Variants in RBFOX1 observed in about 807,000 individuals in gnomAD.
The protein encoded by RBFOX1 is RNA binding protein fox-1 homolog 1.
Under a neutral mutation model 57.7 loss-of-function variants are expected in RBFOX1, and 8 were observed. The observed-to-expected ratio is 0.14, with a 90% confidence interval of 0.08 to 0.25. The LOEUF (loss-of-function observed/expected upper bound fraction) is 0.25. RBFOX1 is among the 10% of genes least tolerant of loss of function. The probability of loss-of-function intolerance (pLI) is 1.00; values close to 1 mark genes in which losing one functional copy is unlikely to be tolerated. For missense variants in RBFOX1, 611 were observed against 548.5 expected, an observed-to-expected ratio of 1.11 and a Z score of -1.14; for synonymous variants, 326 against 222.4, an observed-to-expected ratio of 1.47 and a Z score of -4.15.
chr16:7,426,076 C>G (rs998345757), intron 4 of RBFOX1, among the ~76,000 whole-genome samples: 2 of 152,208 alleles, frequency 1.3e-5, no homozygotes, highest in South Asian at 2.1e-4. Context: ...AAAGGCTTAT[C>G]TCGTTTAAGG....
At position 6,637,111 on chromosome 16, in the gene RBFOX1, T is replaced by TATTA. The variant is rs1346063536; in HGVS notation, c.-63-17491_-63-17490insTTAA. ...ATACATATTAAATATATATATTATA[T>TATTA]AATATATAAATTTATATTATATATT... On this transcript the variant is annotated intron_variant, in intron 2 of 15. Coordinates refer to ENST00000550418, the MANE Select transcript of RBFOX1 (RefSeq NM_018723.4). 5.2e-3 allele frequency among the ~76,000 whole-genome samples: 482 copies of TATTA among 93,030 alleles called. 65 individuals are homozygous for TATTA. Among genetic ancestry groups the TATTA allele is most frequent in the African/African-American group, 0.01 (228 of 22,526 alleles). 61.0% of individuals were successfully genotyped at this position (93,030 alleles called of 152,430 possible).
intron 3 of RBFOX1, among the ~76,000 whole-genome samples, chr16:6,940,642 G>A (rs981285453): frequency 1.3e-5 from 2 of 152,094 alleles, no homozygotes; most frequent in Non-Finnish European, 2.9e-5. Context: ...CTGTCACCCA[G>A]GCTGGAGTGG....
intron 1 of RBFOX1, among the ~76,000 whole-genome samples, chr16:6,311,723 G>C (rs910720025): frequency 2.6e-5 from 4 of 152,210 alleles, no homozygotes; most frequent in Admixed American, 1.3e-4. Flanking sequence ...TGCAGTAGTG[G>C]TTACTGCTAA....
chr16:6,920,363 A>G (rs377365244), intron 3 of RBFOX1, among the ~76,000 whole-genome samples: 29 of 152,242 alleles, frequency 1.9e-4, no homozygotes, highest in Admixed American at 6.5e-4. Flanking sequence ...TCATGATACA[A>G]TCTCTCTCTT....
At position 7,579,847 on chromosome 16, in the gene RBFOX1, C is replaced by G; in HGVS notation, c.341C>G (p.Ser114Cys). Residue 114 changes from serine to cysteine, a missense_variant, in exon 6 of 16, where the codon TCT (serine) becomes TGT (cysteine). Around this residue, in one of 3 missense-constraint regions of RBFOX1, gnomAD observed 245 missense variants for 159.1 expected, o/e 1.54. Coordinates refer to ENST00000550418, the MANE Select transcript of RBFOX1 (RefSeq NM_018723.4). The stretch of plus-strand genomic sequence containing the variant: ...CCTTCTGAAAACACGGAAAACAAGT[C>G]TCAGCCCAAGCGGCTGCATGTCTCC... ...TQPSENTENK[S>C]QPKRLHVSNI... The G allele has an allele frequency of 1.2e-6, 2 of 1,614,110 alleles. No homozygotes were observed. Among genetic ancestry groups the G allele is most frequent in the Non-Finnish European group, 8.5e-7 (1 of 1,179,960 alleles).
intron 2 of RBFOX1, among the ~76,000 whole-genome samples, chr16:5,528,920 GA>G (rs1362555845): frequency 9.9e-5 from 15 of 152,072 alleles, no homozygotes; most frequent in African/African-American, 3.4e-4. Context: ...AAAGTGCTGG[GA>G]TTACAGGTGT....
chr16:6,157,221 AAG>A (rs1158380805), intron 1 of RBFOX1, among the ~76,000 whole-genome samples: 2 of 152,154 alleles, frequency 1.3e-5, no homozygotes, highest in African/African-American at 4.8e-5. Context: ...GTACAAATAA[AAG>A]AGACATAAAT....
At chr16:6,667,775 G>A (rs756001115) in intron 3 of RBFOX1, among the ~76,000 whole-genome samples, 10 of 152,006 alleles carry the variant, frequency 6.6e-5, no homozygotes, top group Non-Finnish European at 1.3e-4. Flanking sequence ...TGTAGTCCCA[G>A]CTACTCAAAT....
chr16:6,507,246 A>G (rs2096124579), intron 2 of RBFOX1, among the ~76,000 whole-genome samples: 1 of 152,150 alleles, frequency 6.6e-6, no homozygotes, highest in African/African-American at 2.4e-5. Context: ...AAATTACTTA[A>G]AACATAAATC....
At position 7,189,025 on chromosome 16, in the gene RBFOX1, G is replaced by C. The variant is rs187985362; in HGVS notation, c.27+136927G>C. Among the ~76,000 whole-genome samples, 215 of 152,226 alleles carry C rather than the reference G, an allele frequency of 1.4e-3. 1 individual carries two copies. The South Asian group carries it at 0.015, about 10-fold the overall frequency. ...GCTAGAGGCAAGTCAAGACCTTAAG[G>C]CATTTGGAGGTGATACGGAGTGATT... On this transcript the variant is annotated intron_variant, in intron 4 of 15. Coordinates refer to ENST00000550418, the MANE Select transcript of RBFOX1 (RefSeq NM_018723.4).
chr16:5,983,935 C>CTCCTCCTCT (rs1189694585), intron 4 of RBFOX1, among the ~76,000 whole-genome samples: 5 of 145,776 alleles, frequency 3.4e-5, no homozygotes, highest in African/African-American at 1.3e-4. Flanking sequence ...CCCCCTCCTC[C>CTCCTCCTCT]TCCTCCTCTT....
At chr16:7,044,183 G>T (rs1349081800) in intron 3 of RBFOX1, among the ~76,000 whole-genome samples, 1 of 152,136 alleles carries the variant, frequency 6.6e-6, no homozygotes, top group Non-Finnish European at 1.5e-5. Flanking sequence ...GTGCATGTGT[G>T]GGTATGGGTG....
intron 3 of RBFOX1, among the ~76,000 whole-genome samples, chr16:6,844,479 C>T (rs1567523418): frequency 6.6e-6 from 1 of 152,106 alleles, no homozygotes; most frequent in Non-Finnish European, 1.5e-5. Flanking sequence ...AGTTATCTTC[C>T]AACTCCATCT....
At chr16:7,591,082 C>T (rs554642807) in intron 7 of RBFOX1, among the ~76,000 whole-genome samples, 1 of 151,980 alleles carries the variant, frequency 6.6e-6, no homozygotes, top group Admixed American at 6.6e-5. Context: ...AGAGTCCGGA[C>T]AGGCAGGCTG....
At chr16:5,570,040 C>T (rs908418817) in intron 2 of RBFOX1, among the ~76,000 whole-genome samples, 1 of 152,188 alleles carries the variant, frequency 6.6e-6, no homozygotes, top group African/African-American at 2.4e-5. Flanking sequence ...CAACAACACC[C>T]AGTGACATTT....
At chr16:6,537,927 G>T (rs1487533326) in intron 2 of RBFOX1, among the ~76,000 whole-genome samples, 4 of 151,498 alleles carry the variant, frequency 2.6e-5, no homozygotes, top group Non-Finnish European at 4.4e-5. Context: ...TAAAGAGCAA[G>T]ATTTTTTTTT....
chr16:5,557,229 C>T (rs1028205490), intron 2 of RBFOX1, among the ~76,000 whole-genome samples: 1 of 151,618 alleles, frequency 6.6e-6, no homozygotes, highest in Admixed American at 6.6e-5. Context: ...CACTGCACTC[C>T]AGCCGGGGTG....
rs1159903266 is a variant in RBFOX1, at chr16:5,974,380, G to A, written c.351+107045G>A. ...TCCCAGCACGTTGGGAGGCCGAGGC[G>A]GGTAGATCATTTGAGGTCAGGAGTT... On this transcript the variant is annotated intron_variant, in intron 4 of 19. Transcript: ENST00000641259. Among the ~76,000 whole-genome samples the A allele has an allele frequency of 7.9e-5, 12 of 152,136 alleles. No homozygotes were observed. The East Asian group carries it at 1.2e-3, about 15-fold the overall frequency.
At chr16:5,887,378 C>G (rs2057924667) in intron 4 of RBFOX1, among the ~76,000 whole-genome samples, 1 of 152,114 alleles carries the variant, frequency 6.6e-6, no homozygotes, top group Admixed American at 6.5e-5. Context: ...TTCCTTCTAC[C>G]TTGTATTTCT....
Sources: allele counts gnomAD v4.1 joint callset (sites outside exome capture counted in the v4.1 genomes callset), GRCh38; gene constraint gnomAD v4.1.1; regional missense constraint gnomAD v4.1.1; transcripts MANE v1.5; gene names NCBI Gene and HGNC (gene_info 2026-07-23, HGNC 2026-07-21).